Variants in CTIF observed in about 807,000 individuals in gnomAD.
CTIF encodes CBP80/20-dependent translation initiation factor.
Under a neutral mutation model 66.0 loss-of-function variants are expected in CTIF, and 21 were observed. The observed-to-expected ratio is 0.32, with a 90% CI of 0.23 to 0.46. CTIF has a LOEUF of 0.46. Ranked by LOEUF, CTIF falls within the 20% of genes least tolerant of loss-of-function variation. The pLI is 1.00. For synonymous variants in CTIF, 345 were observed against 326.4 expected, an observed-to-expected ratio of 1.06 and a Z score of -0.62; for missense variants, 739 against 812.7, an observed-to-expected ratio of 0.91 and a Z score of 1.10.
intron 6 of CTIF, among the ~76,000 whole-genome samples, chr18:48,675,322 A>G (rs945724216): frequency 3.9e-5 from 6 of 152,278 alleles, no homozygotes; most frequent in African/African-American, 1.4e-4. Flanking sequence ...CAGGCCCATC[A>G]TTAACAGTCC....
intron 10 of CTIF, among the ~76,000 whole-genome samples, chr18:48,843,550 A>C (rs1205515498): frequency 6.6e-6 from 1 of 151,984 alleles, no homozygotes; most frequent in Non-Finnish European, 1.5e-5. Flanking sequence ...GGCCCCATTT[A>C]TAATGGGGGC....
intron 10 of CTIF, among the ~76,000 whole-genome samples, chr18:48,823,396 C>T (rs568833243): frequency 2.0e-5 from 3 of 152,228 alleles, no homozygotes; most frequent in South Asian, 2.1e-4. Flanking sequence ...CCAGTCTTCC[C>T]AAGACCGTTT....
At chr18:48,686,954 A>G (rs1024061345) in intron 6 of CTIF, among the ~76,000 whole-genome samples, 10 of 152,054 alleles carry the variant, frequency 6.6e-5, no homozygotes, top group African/African-American at 2.2e-4. Flanking sequence ...CTCTGTGCTT[A>G]TGGGGGTTTA....
chr18:48,718,362 G>A (rs376547264), intron 7 of CTIF, among the ~76,000 whole-genome samples: 1 of 152,204 alleles, frequency 6.6e-6, no homozygotes, highest in African/African-American at 2.4e-5. Flanking sequence ...TGTATCATGG[G>A]AATTGGCTCA....
intron 3 of CTIF, among the ~76,000 whole-genome samples, chr18:48,641,437 G>C (rs953062919): frequency 6.6e-6 from 1 of 152,196 alleles, no homozygotes; most frequent in Non-Finnish European, 1.5e-5. Context: ...TGATGAGCAC[G>C]ACTGCCTATC....
At chr18:48,624,452 A>C (rs28372584) in intron 2 of CTIF, among the ~76,000 whole-genome samples, 2,698 of 152,196 alleles carry the variant, frequency 0.018, 77 homozygotes, top group African/African-American at 0.059. Flanking sequence ...TTTCTTTCCT[A>C]TAGAAAGAAA....
chr18:48,581,614 G>C (rs780309690), intron 1 of CTIF, among the ~76,000 whole-genome samples: 1 of 152,098 alleles, frequency 6.6e-6, no homozygotes, highest in Non-Finnish European at 1.5e-5. Context: ...TGGGAGAAGG[G>C]TCCCCCCACC....
chr18:48,541,026 C>T (rs923269229), intron 1 of CTIF, among the ~76,000 whole-genome samples: 6 of 152,094 alleles, frequency 3.9e-5, no homozygotes, highest in Non-Finnish European at 8.8e-5. Context: ...GGGGTCCACC[C>T]GGCGGCGCGG....
At chr18:48,614,714 A>C (rs1165595199) in intron 1 of CTIF, among the ~76,000 whole-genome samples, 1 of 152,206 alleles carries the variant, frequency 6.6e-6, no homozygotes, top group Non-Finnish European at 1.5e-5. Context: ...TTTAGTGGGC[A>C]CAGAGTTTCT....
At position 48,862,046 on chromosome 18, in the gene CTIF, A is replaced by AAGAC; in HGVS notation, c.*2488_*2491dup. ...TTTTCAGATATGGAAGGAAAACGTT[A>AAGAC]AGACTATTTTTTTTTTAAAGAAACA... On this transcript the variant is annotated 3_prime_UTR_variant, in exon 12 of 12. Coordinates refer to ENST00000256413, the MANE Select transcript of CTIF (RefSeq NM_014772.3). 1 of 151,564 alleles carries AAGAC rather than the reference A, an allele frequency of 6.6e-6. No homozygotes were observed. Among genetic ancestry groups the AAGAC allele is most frequent in the South Asian group, 2.1e-4 (1 of 4,786 alleles). The allele number at this position is 151,564 out of a possible 1,614,324, so 9.4% of individuals were successfully genotyped here.
chr18:48,705,504 A>G (rs911130666), intron 6 of CTIF, among the ~76,000 whole-genome samples: 4 of 152,274 alleles, frequency 2.6e-5, no homozygotes, highest in Admixed American at 1.3e-4. Flanking sequence ...AAATAAAGTC[A>G]CGTTCACAGG....
chr18:48,857,732 A>G lies in CTIF; in HGVS notation c.1581+91A>G, dbSNP rs1337569124. ...TAGGGGCACGAGGGTTGTTGGAGGC[A>G]TTTACAAGTCCAGGGGAAGGTAGGT... is the stretch of plus-strand genomic sequence containing the variant. On this transcript the variant is annotated intron_variant, in intron 11 of 11. Transcript: ENST00000256413. 14 of 1,231,084 alleles carry G rather than the reference A, an allele frequency of 1.1e-5. No individual in the cohort carries two copies. The Admixed American group carries it at 3.0e-4, about 27-fold the overall frequency. The allele number at this position is 1,231,084 out of a possible 1,614,324, so 76.3% of individuals were successfully genotyped here. A position where few individuals can be genotyped will look rare whatever the true frequency, so the allele number is the denominator to read the frequency against.
At chr18:48,585,081 A>T (rs2089737569) in intron 1 of CTIF, among the ~76,000 whole-genome samples, 1 of 152,208 alleles carries the variant, frequency 6.6e-6, no homozygotes. Context: ...CTTCCTTGGA[A>T]GGGTGAGGCC....
intron 1 of CTIF, among the ~76,000 whole-genome samples, chr18:48,596,400 AC>A (rs2089987239): frequency 6.6e-6 from 1 of 152,122 alleles, no homozygotes; most frequent in East Asian, 1.9e-4. Context: ...CACAATCCAG[AC>A]AAGAAAGAGA....
intron 9 of CTIF, among the ~76,000 whole-genome samples, chr18:48,816,182 GTCT>G (rs1326014596): frequency 1.3e-5 from 2 of 152,260 alleles, no homozygotes; most frequent in Admixed American, 6.5e-5. Context: ...CCCAGAGAGA[GTCT>G]TCTTAGGATG....
intron 7 of CTIF, among the ~76,000 whole-genome samples, chr18:48,720,772 T>G (rs10775487): frequency 0.39 from 59,737 of 152,026 alleles, 13,352 homozygotes; most frequent in African/African-American, 0.62. Flanking sequence ...CAAATCATGA[T>G]GGTCCCAATA....
chr18:48,791,375 TTTCC>T (rs1159744499), intron 9 of CTIF, among the ~76,000 whole-genome samples: 4 of 152,244 alleles, frequency 2.6e-5, no homozygotes. Context: ...TCTTTTTTCA[TTTCC>T]TTCCTTCTTT....
chr18:48,689,645 T>G (rs1024438045), intron 6 of CTIF, among the ~76,000 whole-genome samples: 9 of 152,218 alleles, frequency 5.9e-5, no homozygotes, highest in Non-Finnish European at 1.3e-4. Context: ...ACAGCCCCTT[T>G]CAGTCTGCAC....
At chr18:48,580,259 A>G (rs10438972) in intron 1 of CTIF, among the ~76,000 whole-genome samples, 33,250 of 152,164 alleles carry the variant, frequency 0.22, 6,615 homozygotes, top group African/African-American at 0.53. Flanking sequence ...ACTGGCACTG[A>G]GGCCTTTTTA....
Sources: gnomAD v4.1 joint callset for allele counts (sites outside exome capture counted in the v4.1 genomes callset) on GRCh38, gnomAD v4.1.1 for gene constraint, MANE v1.5 for transcripts, NCBI Gene and HGNC (gene_info 2026-07-23, HGNC 2026-07-21) for gene names.